Variants in NADK2 observed in about 807,000 individuals in gnomAD.
The protein encoded by NADK2 is NAD kinase 2, mitochondrial.
A neutral mutation model predicts 62.1 loss-of-function variants in NADK2; 35 were observed. That is an observed-to-expected ratio of 0.56 (90% CI 0.43 to 0.75). The LOEUF is 0.75. NADK2 is among the 30% of genes least tolerant of loss of function. The pLI is 0.00. For synonymous variants in NADK2, 205 were observed against 207.9 expected (o/e 0.99, Z 0.12); for missense variants, 439 against 561.3 (o/e 0.78, Z 2.20).
rs1304423750 is a variant in NADK2 at position 36,241,281 on chromosome 5, C to T, written c.300+218G>A. 12 of 928,924 alleles carry T rather than the reference C, an allele frequency of 1.3e-5. No homozygotes were observed. Among genetic ancestry groups the T allele is most frequent in the Admixed American group, 4.2e-5 (1 of 23,906 alleles). The allele number at this position is 928,924 out of a possible 1,614,324, so 57.5% of individuals were successfully genotyped here. The stretch of plus-strand genomic sequence containing the variant: ...CCTGCATGAACCACTGTCCCTCTCT[C>T]TCCCCCTCTCCCCGGCCCTGCCTCT... On this transcript the variant is annotated intron_variant, in intron 1 of 11. Coordinates refer to ENST00000381937, the MANE Select transcript of NADK2 (RefSeq NM_001085411.3). The surrounding 1 kb of genome is among the most constrained non-coding windows in gnomAD (Gnocchi z 4.9).
At chr5:36,221,043 C>T (rs1177891226) in intron 4 of NADK2, 1 of 152,272 alleles carries the variant, frequency 6.6e-6, no homozygotes, top group Non-Finnish European at 1.5e-5. Context: ...ACTGGTCACA[C>T]AGGCCATCCT....
At chr5:36,225,707 T>C (rs1747457580) in intron 3 of NADK2, 84 bp from the exon 4 acceptor site, 1 of 1,198,160 alleles carries the variant, frequency 8.3e-7, no homozygotes, top group Non-Finnish European at 1.2e-6. Flanking sequence ...ATCAGTAGTT[T>C]TAACAATCAT....
At chr5:36,236,867 CAA>C (rs5867308) in intron 1 of NADK2, among the ~76,000 whole-genome samples, 6 of 95,702 alleles carry the variant, frequency 6.3e-5, no homozygotes, top group African/African-American at 1.6e-4. Context: ...AGCTTAACCT[CAA>C]AAAAAAAAAA....
chr5:36,241,868 G>A lies in NADK2; in HGVS notation c.-70C>T. On this transcript the variant is annotated 5_prime_UTR_variant, in exon 1 of 12. Transcript: ENST00000381937. This position sits in a 1 kb window ranked among gnomAD's most constrained non-coding sequence, Gnocchi z 4.9. ...CTCAGCTCCCTACCGCCGGGAGTGC[G>A]CGCCGTCCGCGCCGCCCGGGCCTCT... is the stretch of plus-strand genomic sequence containing the variant. 4.5e-6 allele frequency: 5 copies of A among 1,113,382 alleles called. No homozygotes were observed. Among genetic ancestry groups the A allele is most frequent in the Non-Finnish European group, 5.5e-6 (5 of 907,346 alleles). 69.0% of individuals were successfully genotyped at this position (1,113,382 alleles called of 1,614,324 possible).
chr5:36,225,671 A>G (rs367867146), intron 3 of NADK2, 48 bp from the exon 4 acceptor site: 1 of 1,572,002 alleles, frequency 6.4e-7, no homozygotes, highest in African/African-American at 1.4e-5. Context: ...TTTCTGTTAT[A>G]AATCTAGTTT....
chr5:36,204,907 A>G (rs980129356), intron 8 of NADK2, among the ~76,000 whole-genome samples: 39 of 152,018 alleles, frequency 2.6e-4, no homozygotes, highest in African/African-American at 9.4e-4. Flanking sequence ...TCATTACACT[A>G]TTTTGTCACT....
At chr5:36,215,801 A>T (rs1233745885) in intron 6 of NADK2, among the ~76,000 whole-genome samples, 2 of 152,108 alleles carry the variant, frequency 1.3e-5, no homozygotes, top group African/African-American at 4.8e-5. Context: ...GGTGAAGAGT[A>T]CTCCATTGTG....
intron 6 of NADK2, among the ~76,000 whole-genome samples, chr5:36,216,734 A>C (rs192501293): frequency 5.3e-5 from 8 of 152,240 alleles, no homozygotes; most frequent in African/African-American, 1.7e-4. Flanking sequence ...ATACCAATCT[A>C]TATCTTTTTA....
intron 1 of NADK2, among the ~76,000 whole-genome samples, chr5:36,240,849 A>G (rs1271661332): frequency 6.6e-6 from 1 of 152,100 alleles, no homozygotes; most frequent in Non-Finnish European, 1.5e-5. Flanking sequence ...TACAAGTCAA[A>G]TTTTCTCCCT....
rs4869630 is a variant in NADK2, at chr5:36,235,032, G to T, written c.300+6467C>A. Among the ~76,000 whole-genome samples the T allele has an allele frequency of 0.012, 1,848 of 151,986 alleles. 157 individuals carry two copies. In the East Asian group the frequency reaches 0.21, roughly 17 times the overall value. ...AGCAGGATGCCTAGCAGTTAGCAGG[G>T]GCTCAAAAAACGGTTTTGTGAACAA... On this transcript the variant is annotated intron_variant, in intron 1 of 11. Coordinates refer to ENST00000381937, the MANE Select transcript of NADK2 (RefSeq NM_001085411.3).
chr5:36,235,624 C>T (rs923349340), intron 1 of NADK2, among the ~76,000 whole-genome samples: 1 of 152,104 alleles, frequency 6.6e-6, no homozygotes, highest in African/African-American at 2.4e-5. Context: ...CATGCAGCCA[C>T]ATACTACTAA....
rs1235889025 is a variant in NADK2 at position 36,241,832 on chromosome 5, G to A, written c.-34C>T. On this transcript the variant is annotated 5_prime_UTR_variant, in exon 1 of 12. Coordinates refer to ENST00000381937, the MANE Select transcript of NADK2 (RefSeq NM_001085411.3). The surrounding 1 kb of genome is among the most constrained non-coding windows in gnomAD (Gnocchi z 4.9). ...GGGCCGCGGCCGCGGGCTTGGGCTC[G>A]GGCCCCTTGCCTCAGCTCCCTACCG... 2.4e-6 allele frequency: 3 copies of A among 1,265,284 alleles called. No homozygotes were observed. Among genetic ancestry groups the A allele is most frequent in the South Asian group, 4.5e-5 (2 of 44,172 alleles). 78.4% of individuals were successfully genotyped at this position (1,265,284 alleles called of 1,614,324 possible). A position where few individuals can be genotyped will look rare whatever the true frequency, so the allele number is the denominator to read the frequency against.
At chr5:36,239,411 T>C (rs953662987) in intron 1 of NADK2, among the ~76,000 whole-genome samples, 14 of 152,136 alleles carry the variant, frequency 9.2e-5, no homozygotes, top group Non-Finnish European at 1.8e-4. Flanking sequence ...CCAATAAAAC[T>C]GTAATGACAA....
Position 36,219,716 on chromosome 5 carries a change from GGAAAA to G in NADK2, c.561-42_561-38del, listed in dbSNP as rs1561067679. On this transcript the variant is annotated intron_variant, in intron 4 of 11. Coordinates refer to ENST00000381937, the MANE Select transcript of NADK2 (RefSeq NM_001085411.3). ...CAGGAATTTTTTGGTGATATAAAGA[GGAAAA>G]GAAAAAAGGTGAAGCAAAAAAATTT... 4 of 1,539,516 alleles carry G rather than the reference GGAAAA, an allele frequency of 2.6e-6. No homozygotes were observed. In the South Asian group the frequency reaches 3.6e-5, roughly 14 times the overall value.
intron 6 of NADK2, among the ~76,000 whole-genome samples, chr5:36,217,090 C>T (rs1747073374): frequency 6.6e-6 from 1 of 152,060 alleles, no homozygotes; most frequent in Non-Finnish European, 1.5e-5. Context: ...GTAAAAGTAG[C>T]TTTTCCTGAT....
chr5:36,199,242 A>ATT (rs1209693246), intron 10 of NADK2, among the ~76,000 whole-genome samples: 1 of 152,074 alleles, frequency 6.6e-6, no homozygotes, highest in African/African-American at 2.4e-5. Flanking sequence ...TTGCTAACTC[A>ATT]TGTTAAGGTA....
Position 36,207,167 on chromosome 5 carries a change from C to G in NADK2, c.956+3G>C. On this transcript the variant is annotated splice_donor_region_variant and intron_variant, in intron 8 of 11. Coordinates refer to ENST00000381937, the MANE Select transcript of NADK2 (RefSeq NM_001085411.3). The stretch of plus-strand genomic sequence containing the variant: ...TTGATAAGCAACATCCCAAGTTACT[C>G]ACCAGGCCTTTGATCCTGTTCCAGT... 6.2e-7 allele frequency: 1 copy of G among 1,609,438 alleles called. No individual in the cohort carries two copies. Among genetic ancestry groups the G allele is most frequent in the Non-Finnish European group, 8.5e-7 (1 of 1,176,604 alleles).
At chr5:36,225,453 C>A in intron 4 of NADK2, 89 bp downstream of exon 4, 1 of 971,210 alleles carries the variant, frequency 1.0e-6, no homozygotes, top group Non-Finnish European at 1.6e-6. Context: ...ACTATGCAAT[C>A]AAAGCAGAAA....
intron 1 of NADK2, among the ~76,000 whole-genome samples, chr5:36,237,367 T>C (rs1029352720): frequency 6.6e-6 from 1 of 152,082 alleles, no homozygotes; most frequent in Non-Finnish European, 1.5e-5. Context: ...ATAGCTTAAA[T>C]AGTATATTAT....
Sources: allele counts gnomAD v4.1 joint callset (sites outside exome capture counted in the v4.1 genomes callset), GRCh38; gene constraint gnomAD v4.1.1; non-coding constraint Gnocchi (gnomAD v3.1); transcripts MANE v1.5; gene names NCBI Gene and HGNC (gene_info 2026-07-23, HGNC 2026-07-21).